The following PCSK5 variants were observed in gnomAD, a reference collection of about 807,000 sequenced individuals.
The protein encoded by PCSK5 is prohormone convertase 5.
PCSK5 carries 129 observed loss-of-function variants against 233.2 expected under a neutral mutation model. That is an observed-to-expected ratio of 0.55 (90% CI 0.48 to 0.64). PCSK5 has a LOEUF of 0.64. Ranked by LOEUF, PCSK5 falls within the 30% of genes least tolerant of loss-of-function variation. PCSK5 has a pLI of 0.00. For missense variants in PCSK5, 2,076 were observed against 2,430.1 expected, an observed-to-expected ratio of 0.85 and a Z score of 3.06; for synonymous variants, 825 against 879.2, an observed-to-expected ratio of 0.94 and a Z score of 1.09.
At chr9:76,039,943 C>T (rs1829022907) in intron 5 of PCSK5, among the ~76,000 whole-genome samples, 2 of 152,306 alleles carry the variant, frequency 1.3e-5, no homozygotes, top group South Asian at 4.2e-4. Context: ...TTAGCGCCTC[C>T]AAGCTCTCTG....
At chr9:75,900,580 G>A (rs1274765571) in intron 1 of PCSK5, among the ~76,000 whole-genome samples, 2 of 150,726 alleles carry the variant, frequency 1.3e-5, no homozygotes, top group Non-Finnish European at 3.0e-5. Flanking sequence ...CCGGGAGGCT[G>A]AGGTGGGACA....
rs981717426 is a variant in PCSK5 at position 76,189,830 on chromosome 9, G to GA, written c.2626+87dup. On this transcript the variant is annotated intron_variant, in intron 20 of 37. Transcript: ENST00000674117. ...GACTAATATTTTTCCACTTAAAAAA[G>GA]AAACTCACAGCATGCATCAGATATG... 44 of 726,752 alleles carry GA rather than the reference G, an allele frequency of 6.1e-5. 2 individuals carry two copies. The African/African-American group carries it at 6.7e-4, about 11-fold the overall frequency. 45.0% of individuals were successfully genotyped at this position (726,752 alleles called of 1,614,324 possible).
intron 9 of PCSK5, among the ~76,000 whole-genome samples, chr9:76,125,106 T>G (rs968560168): frequency 6.6e-6 from 1 of 152,054 alleles, no homozygotes; most frequent in African/African-American, 2.4e-5. Flanking sequence ...TTTAAAAAAA[T>G]TATTCATTCT....
intron 2 of PCSK5, among the ~76,000 whole-genome samples, chr9:75,968,731 G>A (rs1825697339): frequency 6.6e-6 from 1 of 152,194 alleles, no homozygotes; most frequent in South Asian, 2.1e-4. Flanking sequence ...GAGCATCTAA[G>A]TTAGAGTTAT....
chr9:76,005,521 C>G (rs1352371797), intron 3 of PCSK5, among the ~76,000 whole-genome samples: 1 of 152,040 alleles, frequency 6.6e-6, no homozygotes, highest in African/African-American at 2.4e-5. Flanking sequence ...TCATAGAGAT[C>G]TTTATTCTTT....
chr9:76,068,675 A>T (rs969019012), intron 6 of PCSK5, among the ~76,000 whole-genome samples: 2 of 150,898 alleles, frequency 1.3e-5, no homozygotes, highest in Non-Finnish European at 1.5e-5. Flanking sequence ...AAGCATTGAT[A>T]AAAGCAAACT....
At chr9:76,341,054 A>G (rs1012260416) in intron 35 of PCSK5, among the ~76,000 whole-genome samples, 1 of 42,742 alleles carries the variant, frequency 2.3e-5, no homozygotes, top group Non-Finnish European at 4.9e-5. Flanking sequence ...GTTTCTACAG[A>G]AAAAAAAAAA....
Position 75,945,839 on chromosome 9 carries a change from C to G in PCSK5, c.297+13356C>G, listed in dbSNP as rs531954039. Among the ~76,000 whole-genome samples the G allele has an allele frequency of 1.4e-3, 213 of 152,328 alleles. No individual in the cohort carries two copies. In the Middle Eastern group the frequency reaches 0.044, roughly 32 times the overall value. ...GGTCTTTGTATGATGGATGCCTTCT[C>G]AGCCTTCATATCACTTCCTTTGAAA... On this transcript the variant is annotated intron_variant, in intron 2 of 37. Coordinates refer to ENST00000674117, the MANE Select transcript of PCSK5 (RefSeq NM_001372043.1).
chr9:75,928,634 TATATAA>T (rs1823628058), intron 1 of PCSK5, among the ~76,000 whole-genome samples: 1 of 138,462 alleles, frequency 7.2e-6, no homozygotes, highest in Non-Finnish European at 1.6e-5. Flanking sequence ...TATATATATA[TATATAA>T]TCCTAGAAGG....
intron 27 of PCSK5, among the ~76,000 whole-genome samples, chr9:76,299,156 A>G (rs1587847600): frequency 6.6e-6 from 1 of 152,292 alleles, no homozygotes; most frequent in South Asian, 2.1e-4. Flanking sequence ...AAGTGGGAAT[A>G]CCTCCTACCT....
At chr9:76,082,120 G>C (rs928613840) in intron 7 of PCSK5, among the ~76,000 whole-genome samples, 1 of 152,022 alleles carries the variant, frequency 6.6e-6, no homozygotes, top group African/African-American at 2.4e-5. Flanking sequence ...TCTCTCACAG[G>C]TTCTTTGTCA....
chr9:76,203,560 G>T (rs1351173201), intron 20 of PCSK5, among the ~76,000 whole-genome samples: 1 of 151,830 alleles, frequency 6.6e-6, no homozygotes, highest in Admixed American at 6.6e-5. Flanking sequence ...CGAGGAACTT[G>T]CAACAGACCC....
intron 17 of PCSK5, among the ~76,000 whole-genome samples, chr9:76,188,022 G>A (rs4745525): frequency 0.036 from 5,467 of 152,202 alleles, 263 homozygotes; most frequent in East Asian, 0.2. Flanking sequence ...GTTTTGATGA[G>A]AACCTATAGA....
intron 10 of PCSK5, among the ~76,000 whole-genome samples, chr9:76,141,979 G>A (rs1823247521): frequency 3.3e-5 from 5 of 152,024 alleles, no homozygotes. Flanking sequence ...GCCTACTTGA[G>A]CGGGGAGCGT....
At chr9:76,163,183 A>G (rs561508659) in intron 12 of PCSK5, among the ~76,000 whole-genome samples, 1 of 152,348 alleles carries the variant, frequency 6.6e-6, no homozygotes, top group South Asian at 2.1e-4. Flanking sequence ...TAGACATTTC[A>G]GTGAGGAATT....
At chr9:76,009,147 C>G (rs4745484) in intron 3 of PCSK5, among the ~76,000 whole-genome samples, 1,740 of 151,944 alleles carry the variant, frequency 0.011, 21 homozygotes, top group South Asian at 0.046. Context: ...AAAAAGCATG[C>G]GCAAAATATT....
At chr9:76,201,507 C>G (rs1480990390) in intron 20 of PCSK5, among the ~76,000 whole-genome samples, 1 of 152,144 alleles carries the variant, frequency 6.6e-6, no homozygotes, top group Non-Finnish European at 1.5e-5. Context: ...AGGAGAAATA[C>G]AAGAGCCAAG....
intron 10 of PCSK5, 82 bp downstream of exon 10, chr9:76,134,294 C>G: frequency 2.6e-6 from 2 of 771,530 alleles, no homozygotes; most frequent in South Asian, 3.8e-5. Context: ...GAAACAGAAC[C>G]CCTCAAACGA....
chr9:76,193,536 A>AAAT, intron 20 of PCSK5: 1 of 517,600 alleles, frequency 1.9e-6, no homozygotes, highest in South Asian at 3.3e-5. Context: ...GTCAGAACTT[A>AAAT]AATGGAAAAA....
Sources: gnomAD v4.1 joint callset for allele counts (sites outside exome capture counted in the v4.1 genomes callset) on GRCh38, gnomAD v4.1.1 for gene constraint, MANE v1.5 for transcripts, NCBI Gene and HGNC (gene_info 2026-07-23, HGNC 2026-07-21) for gene names.